The following THSD4 variants were observed in gnomAD, a reference collection of about 807,000 sequenced individuals.
THSD4 encodes thrombospondin type-1 domain-containing protein 4.
Under a neutral mutation model 119.0 loss-of-function variants are expected in THSD4, and 69 were observed. That is an observed-to-expected ratio of 0.58 (90% CI 0.48 to 0.71). THSD4 has a LOEUF of 0.71. Ranked by LOEUF, THSD4 falls within the 30% of genes least tolerant of loss-of-function variation. The probability of loss-of-function intolerance (pLI) is 0.00; values close to 1 mark genes in which losing one functional copy is unlikely to be tolerated. For missense variants in THSD4, 1,393 were observed against 1,391.1 expected (o/e 1.00, Z -0.02); for synonymous variants, 524 against 540.4 (o/e 0.97, Z 0.42).
chr15:71,189,569 C>T (rs1228925642), intron 3 of THSD4, among the ~76,000 whole-genome samples: 1 of 151,968 alleles, frequency 6.6e-6, no homozygotes, highest in Non-Finnish European at 1.5e-5. Context: ...ACTCGGGAGG[C>T]TGAGGCAGGA....
intron 6 of THSD4, among the ~76,000 whole-genome samples, chr15:71,287,405 T>C (rs983574): frequency 0.27 from 40,886 of 152,150 alleles, 5,939 homozygotes; most frequent in East Asian, 0.57. Context: ...ATCTAGACTT[T>C]TACCCATTGC....
intron 6 of THSD4, among the ~76,000 whole-genome samples, chr15:71,393,899 C>T (rs548081138): frequency 5.1e-4 from 78 of 152,156 alleles, no homozygotes; most frequent in South Asian, 1.0e-3. Flanking sequence ...CTCCAAGGTT[C>T]TCCGATTGAG....
chr15:71,683,902 G>C (rs1055660136), intron 8 of THSD4, among the ~76,000 whole-genome samples: 4 of 152,250 alleles, frequency 2.6e-5, no homozygotes, highest in African/African-American at 9.6e-5. Flanking sequence ...TTGAACCCAG[G>C]AGGCAAGGTT....
At chr15:71,483,499 G>A (rs1472952422) in intron 7 of THSD4, among the ~76,000 whole-genome samples, 1 of 152,136 alleles carries the variant, frequency 6.6e-6, no homozygotes, top group Non-Finnish European at 1.5e-5. Context: ...CATGAGAAGA[G>A]CATTTGACTG....
chr15:71,174,253 G>A lies in THSD4; in HGVS notation c.99+19321G>A, dbSNP rs1263844122. Among the ~76,000 whole-genome samples, 7 of 152,282 alleles carry A rather than the reference G, an allele frequency of 4.6e-5. No homozygotes were observed. In the South Asian group the frequency reaches 6.2e-4, roughly 14 times the overall value. On this transcript the variant is annotated intron_variant, in intron 3 of 17. Coordinates refer to ENST00000261862, the MANE Select transcript of THSD4 (RefSeq NM_024817.3). ...CTGAGGTACCGGGTTCATCTCACTAGGGAGTGCCAGACAGTGGGCGCAGGC... is the reference window on the plus strand; with the variant it reads ...CTGAGGTACCGGGTTCATCTCACTAAGGAGTGCCAGACAGTGGGCGCAGGC...
chr15:71,119,590 C>A (rs896450865), intron 1 of THSD4, among the ~76,000 whole-genome samples: 2 of 152,156 alleles, frequency 1.3e-5, no homozygotes, highest in Non-Finnish European at 2.9e-5. Flanking sequence ...GAAGGCCCAG[C>A]CCCCTCAGCT....
At chr15:71,711,547 CAAAG>C (rs1026960239) in intron 8 of THSD4, among the ~76,000 whole-genome samples, 6 of 151,834 alleles carry the variant, frequency 4.0e-5, no homozygotes, top group Admixed American at 6.6e-5. Context: ...AAAAAGGTGA[CAAAG>C]AAGAGCAATA....
At chr15:71,500,391 T>C (rs2048092129) in intron 7 of THSD4, among the ~76,000 whole-genome samples, 4 of 152,314 alleles carry the variant, frequency 2.6e-5, no homozygotes, top group Non-Finnish European at 2.9e-5. Flanking sequence ...TCCTCAGATA[T>C]ATCGTTTGCA....
intron 7 of THSD4, among the ~76,000 whole-genome samples, chr15:71,424,418 G>A (rs766065985): frequency 1.3e-5 from 2 of 152,112 alleles, no homozygotes; most frequent in Non-Finnish European, 2.9e-5. Context: ...GGACTGGAAG[G>A]AGTCTAAATG....
At chr15:71,329,009 T>C (rs1016195552) in intron 6 of THSD4, among the ~76,000 whole-genome samples, 1 of 152,218 alleles carries the variant, frequency 6.6e-6, no homozygotes. Flanking sequence ...AAGATTTTTT[T>C]CCTAAAGAGC....
At chr15:71,482,384 G>C (rs926975303) in intron 7 of THSD4, among the ~76,000 whole-genome samples, 11 of 149,246 alleles carry the variant, frequency 7.4e-5, no homozygotes, top group African/African-American at 2.5e-4. Flanking sequence ...TCCGCCTCCT[G>C]GGTTCACGCC....
chr15:71,566,471 G>T (rs912520164), intron 7 of THSD4, among the ~76,000 whole-genome samples: 1 of 152,150 alleles, frequency 6.6e-6, no homozygotes, highest in Non-Finnish European at 1.5e-5. Flanking sequence ...GACAGGGGTT[G>T]TGGGGGTAGA....
chr15:71,377,907 CACACA>C (rs869087894), intron 6 of THSD4, among the ~76,000 whole-genome samples: 2,620 of 86,412 alleles, frequency 0.03, 79 homozygotes, highest in African/African-American at 0.091. Flanking sequence ...CACACACACA[CACACA>C]CAATTTCCTT....
intron 5 of THSD4, among the ~76,000 whole-genome samples, chr15:71,243,957 CT>C (rs2044177003): frequency 6.6e-6 from 1 of 151,536 alleles, no homozygotes; most frequent in Non-Finnish European, 1.5e-5. Flanking sequence ...GCTAATTTTT[CT>C]GTTTTTTTAG....
rs545009826 is a variant in THSD4, at chr15:71,436,399, G to A, written c.1152+24576G>A. ...GCTATACTCAATGCTAGTCAAACAA[G>A]TGCTTTTCTCCCATTAATCTTAAAT... On this transcript the variant is annotated intron_variant, in intron 7 of 17. Coordinates refer to ENST00000261862, the MANE Select transcript of THSD4 (RefSeq NM_024817.3). Among the ~76,000 whole-genome samples the A allele has an allele frequency of 5.6e-4, 86 of 152,294 alleles. 3 individuals carry two copies. In the South Asian group the frequency reaches 0.013, roughly 23 times the overall value.
At chr15:71,679,305 G>A (rs1177923134) in intron 8 of THSD4, among the ~76,000 whole-genome samples, 19 of 152,176 alleles carry the variant, frequency 1.2e-4, no homozygotes, top group Admixed American at 1.2e-3. Context: ...GCAGGGGCTG[G>A]CAACCTTTTT....
chr15:71,445,422 A>G (rs1233292622), intron 7 of THSD4, among the ~76,000 whole-genome samples: 1 of 152,214 alleles, frequency 6.6e-6, no homozygotes, highest in Non-Finnish European at 1.5e-5. Context: ...AAATGAACAA[A>G]TCCATCTATT....
At chr15:71,366,767 C>A (rs1331323408) in intron 6 of THSD4, among the ~76,000 whole-genome samples, 1 of 152,174 alleles carries the variant, frequency 6.6e-6, no homozygotes, top group Non-Finnish European at 1.5e-5. Context: ...CAACAGGCAC[C>A]TGTCCTTTGC....
intron 8 of THSD4, among the ~76,000 whole-genome samples, chr15:71,719,074 T>C (rs146927726): frequency 2.6e-4 from 39 of 152,364 alleles, no homozygotes; most frequent in African/African-American, 9.1e-4. Flanking sequence ...ACACAAACTT[T>C]CTTTAAAGTT....
Sources: allele counts gnomAD v4.1 joint callset (sites outside exome capture counted in the v4.1 genomes callset), GRCh38; gene constraint gnomAD v4.1.1; transcripts MANE v1.5; gene names NCBI Gene and HGNC (gene_info 2026-07-23, HGNC 2026-07-21).